The following MTMR7 variants were observed in gnomAD, a reference collection of about 807,000 sequenced individuals.
MTMR7 encodes the protein myotubularin related protein 7.
MTMR7 carries 76 observed loss-of-function variants against 81.2 expected under a neutral mutation model. That is an observed-to-expected ratio of 0.94 (90% CI 0.78 to 1.13). The LOEUF (loss-of-function observed/expected upper bound fraction) is 1.13. MTMR7 is among the 50% of genes most tolerant of loss of function. The probability of loss-of-function intolerance (pLI) is 0.00; values close to 1 mark genes in which losing one functional copy is unlikely to be tolerated. For missense variants in MTMR7, 1,044 were observed against 820.0 expected, an observed-to-expected ratio of 1.27 and a Z score of -3.34; for synonymous variants, 372 against 289.8, an observed-to-expected ratio of 1.28 and a Z score of -2.88.
At chr8:17,372,927 T>A in intron 2 of MTMR7, 191 bp downstream of exon 2, 1 of 590,580 alleles carries the variant, frequency 1.7e-6, no homozygotes. Flanking sequence ...ATAATTCATG[T>A]TTAAAATGAA....
chr8:17,365,420 C>T (rs1323358875), intron 3 of MTMR7, among the ~76,000 whole-genome samples: 1 of 152,166 alleles, frequency 6.6e-6, no homozygotes, highest in East Asian at 1.9e-4. Flanking sequence ...AGAATCTGAA[C>T]AGAGAGAAAA....
intron 1 of MTMR7, among the ~76,000 whole-genome samples, chr8:17,379,394 G>A (rs2150571006): frequency 6.6e-6 from 1 of 152,332 alleles, no homozygotes; most frequent in East Asian, 1.9e-4. Flanking sequence ...AGAAGCAACT[G>A]GCACGTCAAG....
intron 8 of MTMR7, 112 bp downstream of exon 8, chr8:17,313,180 C>A: frequency 1.5e-6 from 1 of 674,192 alleles, no homozygotes; most frequent in Non-Finnish European, 2.5e-6. Context: ...GCTGGCTATC[C>A]AGTCAGTGCA....
chr8:17,396,437 G>A (rs1380908853), intron 1 of MTMR7, among the ~76,000 whole-genome samples: 4 of 152,166 alleles, frequency 2.6e-5, no homozygotes, highest in Non-Finnish European at 2.9e-5. Flanking sequence ...TGCACTTGCG[G>A]GAAGGAGAGC....
intron 3 of MTMR7, among the ~76,000 whole-genome samples, chr8:17,364,406 A>C (rs1278863411): frequency 6.6e-6 from 1 of 152,166 alleles, no homozygotes; most frequent in East Asian, 1.9e-4. Flanking sequence ...ACATTGCCTC[A>C]AGTATTTAAC....
intron 1 of MTMR7, among the ~76,000 whole-genome samples, chr8:17,410,625 C>A (rs376351094): frequency 1.4e-4 from 22 of 152,168 alleles, no homozygotes; most frequent in African/African-American, 5.1e-4. Flanking sequence ...GGAAGGGAAG[C>A]ACTCTGCTTA....
At chr8:17,314,190 G>C (rs985661164) in intron 7 of MTMR7, among the ~76,000 whole-genome samples, 2 of 152,028 alleles carry the variant, frequency 1.3e-5, no homozygotes, top group African/African-American at 4.8e-5. Context: ...TCACAAATAC[G>C]GCAATCCAAA....
chr8:17,413,202 T>G, intron 1 of MTMR7, 67 bp downstream of exon 1: 1 of 1,504,758 alleles, frequency 6.6e-7, no homozygotes, highest in Non-Finnish European at 9.0e-7. Context: ...TCCCGCGCGC[T>G]CAGCATCCCT....
At chr8:17,315,047 C>T (rs758168339) in intron 7 of MTMR7, among the ~76,000 whole-genome samples, 1 of 152,264 alleles carries the variant, frequency 6.6e-6, no homozygotes. Context: ...CTTGGGTAGT[C>T]AGCCGTGGGC....
chr8:17,393,329 A>C (rs1463710042), intron 1 of MTMR7, among the ~76,000 whole-genome samples: 4 of 152,222 alleles, frequency 2.6e-5, no homozygotes, highest in African/African-American at 2.4e-5. Context: ...TGGATTAGGT[A>C]ATTTCTTAGA....
At chr8:17,383,880 A>G (rs1274992326) in intron 1 of MTMR7, among the ~76,000 whole-genome samples, 1 of 152,180 alleles carries the variant, frequency 6.6e-6, no homozygotes, top group Non-Finnish European at 1.5e-5. Context: ...CTTTGGAGGA[A>G]CCATGCAGGA....
At chr8:17,323,466 C>A (rs189376128) in intron 7 of MTMR7, among the ~76,000 whole-genome samples, 24 of 152,126 alleles carry the variant, frequency 1.6e-4, no homozygotes, top group Admixed American at 3.3e-4. Context: ...CAGGGAACTC[C>A]AAGCAAATGG....
At chr8:17,387,311 G>C (rs1820974759) in intron 1 of MTMR7, among the ~76,000 whole-genome samples, 1 of 152,218 alleles carries the variant, frequency 6.6e-6, no homozygotes. Flanking sequence ...GACAGAGCCA[G>C]TTTCAGCCAG....
At chr8:17,393,175 T>A (rs1821154374) in intron 1 of MTMR7, among the ~76,000 whole-genome samples, 1 of 152,024 alleles carries the variant, frequency 6.6e-6, no homozygotes, top group Admixed American at 6.6e-5. Flanking sequence ...TTAAATGGAG[T>A]AGGAAAATTA....
intron 7 of MTMR7, among the ~76,000 whole-genome samples, chr8:17,330,847 T>C (rs1435032611): frequency 6.6e-6 from 1 of 152,208 alleles, no homozygotes; most frequent in Non-Finnish European, 1.5e-5. Context: ...TAAATGGCCT[T>C]GAATGGGGAT....
rs117240749 is a variant in MTMR7 at position 17,386,615 on chromosome 8, C to T, written c.25-13375G>A. Among the ~76,000 whole-genome samples, 82 of 150,084 alleles carry T rather than the reference C, an allele frequency of 5.5e-4. No individual in the cohort carries two copies. The East Asian group carries it at 0.014, about 26-fold the overall frequency. On this transcript the variant is annotated intron_variant, in intron 1 of 13. Transcript: ENST00000180173. The stretch of plus-strand genomic sequence containing the variant: ...ACCCTCAAACTCTTGGCTGGGCCCT[C>T]ATTGCTGGCTCTCAGCAGGCTCTGC...
At chr8:17,403,232 G>A (rs532065266) in intron 1 of MTMR7, among the ~76,000 whole-genome samples, 1 of 152,216 alleles carries the variant, frequency 6.6e-6, no homozygotes, top group South Asian at 2.1e-4. Context: ...TTCCTTTGCT[G>A]TGAAGAAGCT....
intron 4 of MTMR7, among the ~76,000 whole-genome samples, chr8:17,358,727 T>A (rs1180538070): frequency 6.6e-6 from 1 of 152,158 alleles, no homozygotes; most frequent in Non-Finnish European, 1.5e-5. Flanking sequence ...AAAACATCAG[T>A]ATCCTACCTG....
At chr8:17,399,899 A>T (rs1821372502) in intron 1 of MTMR7, among the ~76,000 whole-genome samples, 1 of 151,736 alleles carries the variant, frequency 6.6e-6, no homozygotes, top group Non-Finnish European at 1.5e-5. Context: ...AAAAACTGAT[A>T]AACATCCATG....
Sources: allele counts gnomAD v4.1 joint callset (sites outside exome capture counted in the v4.1 genomes callset), GRCh38; gene constraint gnomAD v4.1.1; transcripts MANE v1.5; gene names NCBI Gene and HGNC (gene_info 2026-07-23, HGNC 2026-07-21).